JAK1: variants seen among roughly 807,000 people sequenced by gnomAD.
The protein encoded by JAK1 is tyrosine-protein kinase JAK1.
A neutral mutation model predicts 136.6 loss-of-function variants in JAK1; 16 were observed. That is an observed-to-expected ratio of 0.12 (90% CI 0.08 to 0.18). The LOEUF is 0.18. Among genes scored for constraint, JAK1 ranks in the 10% least tolerant of loss-of-function variants. JAK1 has a pLI of 1.00. For missense variants in JAK1, 859 were observed against 1,450.1 expected (o/e 0.59, Z 6.62); for synonymous variants, 492 against 519.5 (o/e 0.95, Z 0.72).
intron 1 of JAK1, among the ~76,000 whole-genome samples, chr1:64,913,709 G>GAGGAAAGA (rs1553168181): frequency 4.7e-5 from 1 of 21,154 alleles, no homozygotes; most frequent in Admixed American, 4.5e-4. Context: ...GGAAAGAAGG[G>GAGGAAAGA]AGGGAGGGAG....
chr1:64,841,093 T>C (rs983359250), intron 19 of JAK1, 152 bp downstream of exon 19: 1 of 628,954 alleles, frequency 1.6e-6, no homozygotes, highest in African/African-American at 1.8e-5. Flanking sequence ...TCCCTTGTGA[T>C]GAAAGTGGCC....
chr1:64,962,083 T>A (rs1225312088), intron 1 of JAK1, among the ~76,000 whole-genome samples: 1 of 152,234 alleles, frequency 6.6e-6, no homozygotes, highest in African/African-American at 2.4e-5. Context: ...AAAGATTTAC[T>A]CTTTTACATG....
At chr1:64,861,979 G>C in intron 8 of JAK1, among the ~76,000 whole-genome samples, 1 of 152,218 alleles carries the variant, frequency 6.6e-6, no homozygotes, top group Admixed American at 6.5e-5. Flanking sequence ...CATTTCCTGA[G>C]AACAGGAGTC....
At chr1:65,013,395 A>T (rs1000575930) in intron 2 of JAK1, among the ~76,000 whole-genome samples, 1 of 142,970 alleles carries the variant, frequency 7.0e-6, no homozygotes, top group Non-Finnish European at 1.5e-5. Context: ...GACTCTGTCT[A>T]AAAAAAAAAA....
chr1:64,969,574 G>A (rs561699612), upstream of JAK1, among the ~76,000 whole-genome samples: 1 of 152,280 alleles, frequency 6.6e-6, no homozygotes, highest in Non-Finnish European at 1.5e-5. Context: ...ACATGTCATT[G>A]TAAAACTGCA....
intron 10 of JAK1, among the ~76,000 whole-genome samples, chr1:64,857,021 A>T (rs567578956): frequency 5.9e-5 from 9 of 152,224 alleles, no homozygotes; most frequent in Non-Finnish European, 1.3e-4. Context: ...TAATTACATG[A>T]ATAACAAAGG....
At chr1:64,915,100 T>G (rs935238255) in intron 1 of JAK1, among the ~76,000 whole-genome samples, 1 of 152,172 alleles carries the variant, frequency 6.6e-6, no homozygotes, top group African/African-American at 2.4e-5. Context: ...ATATACCTTA[T>G]AGGATTGTGA....
At chr1:65,058,821 C>T (rs1647663129) in intron 1 of JAK1, among the ~76,000 whole-genome samples, 1 of 152,212 alleles carries the variant, frequency 6.6e-6, no homozygotes, top group African/African-American at 2.4e-5. Context: ...CAGCTTATCT[C>T]TTCCATGCAT....
At chr1:65,061,306 G>A (rs1040075415) in intron 1 of JAK1, among the ~76,000 whole-genome samples, 5 of 152,104 alleles carry the variant, frequency 3.3e-5, no homozygotes, top group Admixed American at 1.3e-4. Flanking sequence ...GGAGGCTGAG[G>A]TGGGAGGATT....
At chr1:65,052,097 C>G (rs1198180813) in intron 1 of JAK1, among the ~76,000 whole-genome samples, 1 of 150,712 alleles carries the variant, frequency 6.6e-6, no homozygotes, top group African/African-American at 2.4e-5. Flanking sequence ...GGACTACAAG[C>G]ATGCACCACC....
chr1:64,915,690 T>C (rs1299105394), intron 1 of JAK1, among the ~76,000 whole-genome samples: 2 of 152,210 alleles, frequency 1.3e-5, no homozygotes, highest in Admixed American at 6.5e-5. Flanking sequence ...TTTCTTAATT[T>C]TATTAAATGT....
Position 65,039,811 on chromosome 1 carries a change from T to A in JAK1, c.-78+4669A>T, listed in dbSNP as rs538996978. On this transcript the variant is annotated intron_variant, in intron 2 of 25. Transcript: ENST00000671954. ...TTCTATTTGGTTCCTTCCTGAGGAT[T>A]CCCCCCATTCCCCTAGGCTTAGCCT... 4.7e-4 allele frequency among the ~76,000 whole-genome samples: 72 copies of A among 152,252 alleles called. 1 individual carries two copies. In the South Asian group the frequency reaches 0.015, roughly 31 times the overall value.
chr1:65,039,922 G>T (rs1263132405), intron 2 of JAK1, among the ~76,000 whole-genome samples: 1 of 152,006 alleles, frequency 6.6e-6, no homozygotes. Flanking sequence ...AAGGTCAAAA[G>T]TCTGAAATGC....
At chr1:64,983,146 G>A (rs1646565198) in intron 2 of JAK1, among the ~76,000 whole-genome samples, 2 of 152,144 alleles carry the variant, frequency 1.3e-5, no homozygotes, top group Non-Finnish European at 2.9e-5. Flanking sequence ...TAGGAAAAAG[G>A]GGGCTGTGGG....
At chr1:64,985,701 C>T (rs957777857) in intron 2 of JAK1, 24 of 712,914 alleles carry the variant, frequency 3.4e-5, no homozygotes, top group Non-Finnish European at 5.7e-5. Context: ...TGTGCAGAGT[C>T]TGCAGAAGAG....
At chr1:64,886,197 G>A in intron 2 of JAK1, 62 bp downstream of exon 2, 1 of 1,109,596 alleles carries the variant, frequency 9.0e-7, no homozygotes, top group Admixed American at 1.9e-5. Flanking sequence ...CAAGAACACG[G>A]TTTCATCAAT....
intron 1 of JAK1, among the ~76,000 whole-genome samples, chr1:64,912,452 T>C (rs1258705471): frequency 6.6e-6 from 1 of 152,216 alleles, no homozygotes; most frequent in Non-Finnish European, 1.5e-5. Context: ...CAGAAAGCTG[T>C]GGGGCAGATC....
chr1:65,003,857 G>C (rs546966748), intron 2 of JAK1: 55 of 152,344 alleles, frequency 3.6e-4, no homozygotes, highest in African/African-American at 1.3e-3. Flanking sequence ...TGCAATCCAT[G>C]CACTCAAATA....
chr1:65,005,128 C>T (rs187373409), intron 2 of JAK1, among the ~76,000 whole-genome samples: 235 of 152,142 alleles, frequency 1.5e-3, no homozygotes, highest in Non-Finnish European at 2.6e-3. Flanking sequence ...AGCATTTTAT[C>T]AAACGAAAAC....
Sources: gnomAD v4.1 joint callset for allele counts (sites outside exome capture counted in the v4.1 genomes callset) on GRCh38, gnomAD v4.1.1 for gene constraint, MANE v1.5 for transcripts, NCBI Gene and HGNC (gene_info 2026-07-23, HGNC 2026-07-21) for gene names.